DDC: variants seen among roughly 807,000 people sequenced by gnomAD.
The protein encoded by DDC is dopa decarboxylase.
In DDC, 43 loss-of-function variants were observed where a neutral mutation model predicts 60.0. The observed-to-expected ratio is 0.72, with a 90% confidence interval of 0.56 to 0.92. DDC has a LOEUF of 0.92. DDC is among the 40% of genes least tolerant of loss of function. The pLI is 0.00. For synonymous variants in DDC, 232 were observed against 234.6 expected (o/e 0.99, Z 0.10); for missense variants, 573 against 620.2 (o/e 0.92, Z 0.81).
At chr7:50,553,918 A>G (rs1458941333) in intron 1 of DDC, among the ~76,000 whole-genome samples, 2 of 152,240 alleles carry the variant, frequency 1.3e-5, no homozygotes, top group African/African-American at 4.8e-5. Context: ...GAGAATGGCT[A>G]TCTGATAAAC....
At chr7:50,482,100 G>A (rs924202228) in intron 9 of DDC, among the ~76,000 whole-genome samples, 3 of 152,226 alleles carry the variant, frequency 2.0e-5, no homozygotes, top group Admixed American at 2.0e-4. Flanking sequence ...CAATGGAATA[G>A]CACAAGGTGA....
At chr7:50,475,234 T>A (rs1213154311) in intron 11 of DDC, among the ~76,000 whole-genome samples, 34 of 152,172 alleles carry the variant, frequency 2.2e-4, no homozygotes, top group Admixed American at 2.2e-3. Flanking sequence ...GGATGAAAGG[T>A]CAGGGTGAGC....
intron 2 of DDC, 72 bp from the exon 3 acceptor site, chr7:50,540,100 A>C (rs966536396): frequency 8.4e-7 from 1 of 1,191,944 alleles, no homozygotes; most frequent in Non-Finnish European, 1.2e-6. Context: ...GGACCCAGGT[A>C]CCCCCATGGC....
rs556822417 is a variant in DDC at position 50,460,075 on chromosome 7, G to A, written c.*19-1232C>T. Among the ~76,000 whole-genome samples, 12 of 134,404 alleles carry A rather than the reference G, an allele frequency of 8.9e-5. No individual in the cohort carries two copies. In the South Asian group the frequency reaches 2.0e-3, roughly 22 times the overall value. 88.2% of individuals were successfully genotyped at this position (134,404 alleles called of 152,430 possible). On this transcript the variant is annotated intron_variant, in intron 14 of 14. Coordinates refer to ENST00000444124, the MANE Select transcript of DDC (RefSeq NM_001082971.2). ...AGGAGGTGGGGGGGGTCAGCCCCCC[G>A]CCCGGCCAGCCGCCCCATCCGGGAG...
At chr7:50,492,639 C>A in intron 9 of DDC, 1 of 1,159,740 alleles carries the variant, frequency 8.6e-7, no homozygotes, top group Non-Finnish European at 1.1e-6. Flanking sequence ...CACCGCAGGC[C>A]TCTCTTGTGT....
intron 11 of DDC, among the ~76,000 whole-genome samples, 176 bp downstream of exon 11, chr7:50,476,448 A>G (rs1481078410): frequency 6.6e-6 from 1 of 152,206 alleles, no homozygotes; most frequent in Non-Finnish European, 1.5e-5. Context: ...TGAGGGGTTC[A>G]GCAGAGCTGC....
intron 4 of DDC, 144 bp from the exon 5 acceptor site, chr7:50,529,486 G>A: frequency 2.1e-6 from 2 of 959,520 alleles, no homozygotes; most frequent in Non-Finnish European, 3.2e-6. Flanking sequence ...CTTTGCTTAG[G>A]AGAAAACTAA....
chr7:50,489,300 C>G (rs764709201), intron 9 of DDC, among the ~76,000 whole-genome samples: 50 of 152,172 alleles, frequency 3.3e-4, no homozygotes, highest in Admixed American at 2.5e-3. Context: ...AGCCACCACA[C>G]GCAGCCTAAA....
intron 13 of DDC, 121 bp downstream of exon 13, chr7:50,467,093 C>A: frequency 1.1e-6 from 1 of 949,298 alleles, no homozygotes; most frequent in Non-Finnish European, 1.7e-6. Context: ...CCAAAGAATG[C>A]AGGCTTTGCT....
intron 3 of DDC, among the ~76,000 whole-genome samples, chr7:50,539,440 C>A (rs1453001734): frequency 6.6e-6 from 1 of 152,100 alleles, no homozygotes; most frequent in East Asian, 1.9e-4. Flanking sequence ...GGAGCTAGGC[C>A]CTTTTCCAGA....
At chr7:50,491,550 T>A (rs182476551) in intron 9 of DDC, among the ~76,000 whole-genome samples, 9 of 152,006 alleles carry the variant, frequency 5.9e-5, no homozygotes, top group Non-Finnish European at 1.3e-4. Flanking sequence ...GAACGGAAAA[T>A]AAAAACTTGG....
intron 4 of DDC, 87 bp from the exon 5 acceptor site, chr7:50,529,429 C>A (rs1457613260): frequency 1.3e-6 from 2 of 1,517,992 alleles, no homozygotes; most frequent in African/African-American, 2.7e-5. Context: ...TGTTTTGTGT[C>A]CATAGTTTTC....
intron 9 of DDC, among the ~76,000 whole-genome samples, chr7:50,481,946 T>C (rs1273009642): frequency 6.6e-6 from 1 of 152,244 alleles, no homozygotes; most frequent in Non-Finnish European, 1.5e-5. Flanking sequence ...CCTCCTGGGA[T>C]TTTAGTGCAT....
At chr7:50,521,580 A>T (rs1425285804) in intron 6 of DDC, among the ~76,000 whole-genome samples, 1 of 152,230 alleles carries the variant, frequency 6.6e-6, no homozygotes, top group South Asian at 2.1e-4. Flanking sequence ...AGTGAGATCT[A>T]TTCCAGGATG....
chr7:50,478,168 G>A (rs931241103), intron 10 of DDC, among the ~76,000 whole-genome samples: 11 of 151,908 alleles, frequency 7.2e-5, no homozygotes, highest in Non-Finnish European at 1.5e-4. Flanking sequence ...AGCCAAGGTT[G>A]CACCACTGCA....
intron 9 of DDC, among the ~76,000 whole-genome samples, chr7:50,487,952 G>T (rs1346874396): frequency 3.3e-5 from 5 of 152,050 alleles, no homozygotes; most frequent in Admixed American, 2.6e-4. Context: ...GTAACTTTTG[G>T]TAAGTAAGGC....
intron 7 of DDC, among the ~76,000 whole-genome samples, chr7:50,503,643 T>C (rs2043310745): frequency 6.6e-6 from 1 of 152,224 alleles, no homozygotes; most frequent in Admixed American, 6.5e-5. Context: ...TCATATCAGG[T>C]GTATGCACGA....
intron 1 of DDC, among the ~76,000 whole-genome samples, chr7:50,559,430 T>TTC (rs1329793253): frequency 8.0e-6 from 1 of 125,486 alleles, no homozygotes; most frequent in Non-Finnish European, 1.6e-5. Flanking sequence ...GAACATTTCT[T>TTC]TTTTTTTTTT....
intron 9 of DDC, among the ~76,000 whole-genome samples, chr7:50,485,360 C>T (rs1487493361): frequency 6.6e-6 from 1 of 152,134 alleles, no homozygotes; most frequent in African/African-American, 2.4e-5. Context: ...TAATGATTGC[C>T]AGTTTCAGAA....
Sources: allele counts gnomAD v4.1 joint callset (sites outside exome capture counted in the v4.1 genomes callset), GRCh38; gene constraint gnomAD v4.1.1; transcripts MANE v1.5; gene names NCBI Gene and HGNC (gene_info 2026-07-23, HGNC 2026-07-21).